The following GALNT9 variants were observed in gnomAD, a reference collection of about 807,000 sequenced individuals.
The protein encoded by GALNT9 is GalNAc transferase 9.
Under a neutral mutation model 63.1 loss-of-function variants are expected in GALNT9, and 47 were observed. The ratio of observed to expected loss-of-function variants is 0.75; its 90% CI spans 0.59 to 0.95. The LOEUF (loss-of-function observed/expected upper bound fraction) is 0.95. Among genes scored for constraint, GALNT9 ranks in the 40% least tolerant of loss-of-function variants. GALNT9 has a pLI of 0.00. For missense variants in GALNT9, 829 were observed against 874.8 expected (o/e 0.95, Z 0.66); for synonymous variants, 396 against 365.7 (o/e 1.08, Z -0.94).
rs141580861 is a variant in GALNT9, at chr12:132,319,889, G to A, written c.238+9077C>T. Among the ~76,000 whole-genome samples the A allele has an allele frequency of 3.0e-3, 461 of 152,304 alleles. 1 individual carries two copies. Among genetic ancestry groups the A allele is most frequent in the African/African-American group, 9.9e-3 (412 of 41,576 alleles). On this transcript the variant is annotated intron_variant, in intron 1 of 10. Transcript: ENST00000328957. The surrounding 1 kb of genome is among the most constrained non-coding windows in gnomAD (Gnocchi z 5.2). ...CTCCACCCTCAGCCTCCGGAGGTTCGGAGGCACTCACTGACCCCGCCATGC... is the reference window on the plus strand; with the variant it reads ...CTCCACCCTCAGCCTCCGGAGGTTCAGAGGCACTCACTGACCCCGCCATGC...
Position 132,229,379 on chromosome 12 carries a change from A to G in GALNT9, c.1077+18531T>C, listed in dbSNP as rs1001951694. 9.9e-5 allele frequency among the ~76,000 whole-genome samples: 15 copies of G among 152,126 alleles called. No individual in the cohort carries two copies. The South Asian group carries it at 1.0e-3, about 11-fold the overall frequency. The stretch of plus-strand genomic sequence containing the variant: ...AGAGCAGCCTCCAGCACCTGAGCTC[A>G]CTCAGGAGTCTGTTCAGCCAATGAA... On this transcript the variant is annotated intron_variant, in intron 6 of 10. Transcript: ENST00000328957.
chr12:132,256,903 G>A (rs1243397399), intron 5 of GALNT9, among the ~76,000 whole-genome samples: 1 of 152,250 alleles, frequency 6.6e-6, no homozygotes, highest in Non-Finnish European at 1.5e-5. Context: ...CCTGGACTGT[G>A]GGGAGCACAT....
intron 1 of GALNT9, among the ~76,000 whole-genome samples, chr12:132,313,490 C>G (rs1881891887): frequency 6.8e-6 from 1 of 146,340 alleles, no homozygotes; most frequent in Admixed American, 6.7e-5. Flanking sequence ...ATCCATCCAG[C>G]CATCCATCCA....
At chr12:132,289,300 G>A (rs1555242487) in intron 1 of GALNT9, among the ~76,000 whole-genome samples, 1 of 152,138 alleles carries the variant, frequency 6.6e-6, no homozygotes, top group South Asian at 2.1e-4. Flanking sequence ...TCATCGGCTT[G>A]ATCTTTTGTC....
intron 2 of GALNT9, chr12:132,274,596 C>A (rs1236925121): frequency 6.6e-6 from 1 of 152,180 alleles, no homozygotes; most frequent in African/African-American, 2.4e-5. Flanking sequence ...CCATGTGTGG[C>A]CTTTATGGAG....
rs1279327442 is a variant in GALNT9 at position 132,239,465 on chromosome 12, CAGAG to C, written c.1077+8441_1077+8444del. On this transcript the variant is annotated intron_variant, in intron 6 of 10. Coordinates refer to ENST00000328957, the MANE Select transcript of GALNT9 (RefSeq NM_001122636.2). ...TCAGAGACAGAGAGGCAGAGAGAGA[CAGAG>C]AGACAAAGAGACAGAGATACAGAGA... Among the ~76,000 whole-genome samples, 3 of 136,820 alleles carry C rather than the reference CAGAG, an allele frequency of 2.2e-5. No homozygotes were observed. In the East Asian group the frequency reaches 6.4e-4, roughly 29 times the overall value. The allele number at this position is 136,820 out of a possible 152,430, so 89.8% of individuals were successfully genotyped here.
chr12:132,210,341 A>G (rs1876900402), intron 6 of GALNT9, among the ~76,000 whole-genome samples: 1 of 152,212 alleles, frequency 6.6e-6, no homozygotes, highest in Non-Finnish European at 1.5e-5. Context: ...GTGAAGTCGG[A>G]CCTGTTCTTC....
At chr12:132,201,389 A>C in intron 7 of GALNT9, 128 bp from the exon 8 acceptor site, 1 of 579,526 alleles carries the variant, frequency 1.7e-6, no homozygotes, top group Admixed American at 3.0e-5. Context: ...CAGTATTCAG[A>C]TGCTGAGGCC....
intron 6 of GALNT9, among the ~76,000 whole-genome samples, chr12:132,220,006 A>T (rs1192507095): frequency 6.6e-6 from 1 of 151,972 alleles, no homozygotes; most frequent in East Asian, 1.9e-4. Flanking sequence ...GTCAGGAGTC[A>T]GAAGTGCCAG....
rs868939976 is a variant in GALNT9 at position 132,296,252 on chromosome 12, G to A, written c.239-9822C>T. On this transcript the variant is annotated intron_variant, in intron 1 of 10. Transcript: ENST00000328957. The surrounding 1 kb of genome is among the most constrained non-coding windows in gnomAD (Gnocchi z 4.2). Reference sequence around the variant, plus strand: ...CACGCAGTCTGTGGTGATCTGTCACGGCAGCCCCAAGAGATGACCGCACAG... The same window carrying A: ...CACGCAGTCTGTGGTGATCTGTCACAGCAGCCCCAAGAGATGACCGCACAG... 1.4e-4 allele frequency among the ~76,000 whole-genome samples: 22 copies of A among 152,232 alleles called. No individual in the cohort carries two copies. The highest frequency in any genetic ancestry group is 7.8e-4 in the Admixed American group (12 of 15,288).
At chr12:132,320,840 C>G (rs1326140734) in intron 1 of GALNT9, among the ~76,000 whole-genome samples, 6 of 152,228 alleles carry the variant, frequency 3.9e-5, no homozygotes, top group African/African-American at 1.4e-4. Flanking sequence ...CGCGTGCCTC[C>G]TTCAGTGCCC....
intron 10 of GALNT9, 33 bp from the exon 11 acceptor site, chr12:132,197,286 G>T: frequency 6.2e-7 from 1 of 1,604,336 alleles, no homozygotes; most frequent in Non-Finnish European, 8.5e-7. Context: ...TCAGCCAGGT[G>T]CAGGCGTCCT....
intron 1 of GALNT9, among the ~76,000 whole-genome samples, chr12:132,309,819 G>C (rs1319127700): frequency 6.6e-6 from 1 of 152,218 alleles, no homozygotes; most frequent in Non-Finnish European, 1.5e-5. Context: ...GGCAGAGAAA[G>C]AGACCATGCC....
intron 6 of GALNT9, among the ~76,000 whole-genome samples, chr12:132,230,857 C>G (rs1317851957): frequency 2.0e-5 from 3 of 152,226 alleles, no homozygotes; most frequent in Non-Finnish European, 4.4e-5. Context: ...AGGCAGACCA[C>G]ACCGCAGGCC....
At chr12:132,204,723 C>G (rs975024435) in intron 6 of GALNT9, among the ~76,000 whole-genome samples, 9 of 152,114 alleles carry the variant, frequency 5.9e-5, no homozygotes, top group African/African-American at 1.9e-4. Flanking sequence ...TGAGCCAGCC[C>G]CGTCCCATCC....
chr12:132,314,164 A>C (rs1593122380), intron 1 of GALNT9, among the ~76,000 whole-genome samples: 3 of 60,996 alleles, frequency 4.9e-5, no homozygotes, highest in Non-Finnish European at 9.1e-5. Flanking sequence ...CCTTCCATCC[A>C]CCTACCCACC....
chr12:132,294,809 A>G (rs1246261794), intron 1 of GALNT9, among the ~76,000 whole-genome samples: 1 of 152,160 alleles, frequency 6.6e-6, no homozygotes, highest in African/African-American at 2.4e-5. Context: ...GAAAAGTGAA[A>G]ATCCCACGGA....
intron 1 of GALNT9, among the ~76,000 whole-genome samples, chr12:132,306,688 GT>G (rs1881627967): frequency 6.6e-6 from 1 of 152,196 alleles, no homozygotes; most frequent in Non-Finnish European, 1.5e-5. Context: ...ACACCGCTTG[GT>G]TTTGGAGGCA....
At chr12:132,203,388 A>G (rs1176478026) in intron 7 of GALNT9, 117 bp downstream of exon 7, 2 of 859,434 alleles carry the variant, frequency 2.3e-6, no homozygotes, top group South Asian at 1.7e-5. Context: ...ACACCTGTCA[A>G]CACACCCACT....
Sources: allele counts gnomAD v4.1 joint callset (sites outside exome capture counted in the v4.1 genomes callset), GRCh38; gene constraint gnomAD v4.1.1; non-coding constraint Gnocchi (gnomAD v3.1); transcripts MANE v1.5; gene names NCBI Gene and HGNC (gene_info 2026-07-23, HGNC 2026-07-21).